Variants in HOMER2 observed in about 807,000 individuals in gnomAD.
The protein encoded by HOMER2 is homer protein homolog 2.
HOMER2 carries 27 observed loss-of-function variants against 47.0 expected under a neutral mutation model. The observed-to-expected ratio is 0.57, with a 90% CI of 0.42 to 0.79. HOMER2 has a LOEUF of 0.79. Among genes scored for constraint, HOMER2 ranks in the 30% least tolerant of loss-of-function variants. The pLI, the probability that HOMER2 is intolerant of heterozygous loss-of-function variation, is 0.00. For synonymous variants in HOMER2, 161 were observed against 163.8 expected (o/e 0.98, Z 0.13); for missense variants, 443 against 435.0 (o/e 1.02, Z -0.16).
intron 1 of HOMER2, among the ~76,000 whole-genome samples, chr15:82,950,695 G>A (rs1567072728): frequency 1.3e-5 from 2 of 152,142 alleles, no homozygotes; most frequent in Non-Finnish European, 2.9e-5. Context: ...TACGAGAAGT[G>A]AGTAATATAT....
At chr15:82,851,033 T>A in intron 8 of HOMER2, 118 bp downstream of exon 8, 1 of 742,204 alleles carries the variant, frequency 1.3e-6, no homozygotes, top group African/African-American at 1.8e-5. Flanking sequence ...TTTTTGTGAA[T>A]AGAAAATCTC....
rs1455090701 is a variant in HOMER2 at position 82,913,411 on chromosome 15, T to G, written c.6-20570A>C. 6.6e-6 allele frequency among the ~76,000 whole-genome samples: 1 copy of G among 152,094 alleles called. No individual in the cohort carries two copies. Among genetic ancestry groups the G allele is most frequent in the Admixed American group, 6.5e-5 (1 of 15,278 alleles). Reference sequence around the variant, plus strand: ...GGTAGCTCCAGATCCTTCTAGAACTTCTCTTCTGCATCTGGAAACCCCATG... The same window carrying G: ...GGTAGCTCCAGATCCTTCTAGAACTGCTCTTCTGCATCTGGAAACCCCATG... On this transcript the variant is annotated intron_variant, in intron 1 of 8. Coordinates refer to ENST00000450735, the MANE Select transcript of HOMER2 (RefSeq NM_004839.4). The surrounding 1 kb of genome is among the most constrained non-coding windows in gnomAD (Gnocchi z 4.1).
At chr15:82,903,185 T>C (rs989069914) in intron 1 of HOMER2, among the ~76,000 whole-genome samples, 5 of 152,098 alleles carry the variant, frequency 3.3e-5, no homozygotes, top group African/African-American at 4.8e-5. Context: ...TCCAGGCACC[T>C]GGAGATGAGG....
At chr15:82,921,443 C>G (rs910593761) in intron 1 of HOMER2, among the ~76,000 whole-genome samples, 4 of 152,192 alleles carry the variant, frequency 2.6e-5, no homozygotes, top group Middle Eastern at 3.2e-3. Context: ...TTTCCCCACG[C>G]TGATCTGAGC....
At chr15:82,908,090 G>A (rs1352056634) in intron 1 of HOMER2, among the ~76,000 whole-genome samples, 2 of 152,084 alleles carry the variant, frequency 1.3e-5, no homozygotes, top group Non-Finnish European at 2.9e-5. Flanking sequence ...GGCTGTCCAA[G>A]CACAGGAAGC....
intron 1 of HOMER2, chr15:82,959,376 T>C (rs2054611897): frequency 6.6e-6 from 1 of 152,260 alleles, no homozygotes; most frequent in Admixed American, 6.5e-5. Flanking sequence ...ACTGTCAGCA[T>C]ATAGTTATAC....
At chr15:82,951,876 G>A (rs563096192) in intron 1 of HOMER2, 37 of 173,086 alleles carry the variant, frequency 2.1e-4, no homozygotes, top group Non-Finnish European at 3.6e-4. Context: ...GACTCACAGA[G>A]CCTACTGCTC....
chr15:82,906,291 G>A (rs914299793), intron 1 of HOMER2, among the ~76,000 whole-genome samples: 2 of 152,082 alleles, frequency 1.3e-5, no homozygotes, highest in Admixed American at 1.3e-4. Context: ...AAGAACACGG[G>A]CAACAAATAG....
chr15:82,963,672 G>T (rs972529840), intron 1 of HOMER2, among the ~76,000 whole-genome samples: 7 of 152,200 alleles, frequency 4.6e-5, no homozygotes, highest in African/African-American at 1.7e-4. Flanking sequence ...GCAAATTTGG[G>T]AAAGAATGAA....
chr15:82,965,666 T>C (rs2054667525), intron 1 of HOMER2, among the ~76,000 whole-genome samples: 1 of 152,054 alleles, frequency 6.6e-6, no homozygotes, highest in African/African-American at 2.4e-5. Flanking sequence ...GCAATATTGG[T>C]ACCTCCTCTC....
At chr15:82,934,313 C>T (rs1446252720) in intron 1 of HOMER2, among the ~76,000 whole-genome samples, 1 of 152,116 alleles carries the variant, frequency 6.6e-6, no homozygotes, top group Non-Finnish European at 1.5e-5. Flanking sequence ...CTCTTCCGCC[C>T]ACCACCTGTC....
chr15:82,871,354 A>G (rs1007630014), intron 3 of HOMER2, among the ~76,000 whole-genome samples: 2 of 152,168 alleles, frequency 1.3e-5, no homozygotes, highest in Non-Finnish European at 2.9e-5. Flanking sequence ...TAGCCTAGTT[A>G]TAGTGCTTGA....
At position 82,943,720 on chromosome 15, in the gene HOMER2, C is replaced by T. The variant is rs1190872251; in HGVS notation, c.5+8811G>A. On this transcript the variant is annotated intron_variant, in intron 1 of 8. Transcript: ENST00000450735. ...CCCATAACCCACAGACAAGATTACC[C>T]GCAGAACAAAAGGAGGACTAAAGGC... Among the ~76,000 whole-genome samples, 5 of 152,212 alleles carry T rather than the reference C, an allele frequency of 3.3e-5. No homozygotes were observed. In the East Asian group the frequency reaches 5.8e-4, roughly 18 times the overall value.
chr15:82,839,263 A>G (rs1052845820), exon 2 of HOMER2: 1 of 152,242 alleles, frequency 6.6e-6, no homozygotes, highest in African/African-American at 2.4e-5. Context: ...CTGAGGCAGA[A>G]TATGACCAGA....
intron 3 of HOMER2, among the ~76,000 whole-genome samples, chr15:82,867,422 T>C (rs11259957): frequency 0.2 from 29,196 of 149,500 alleles, 3,173 homozygotes; most frequent in Non-Finnish European, 0.23. Flanking sequence ...AAAATATCTA[T>C]AGCTAAGCTA....
rs1005984257 is a variant in HOMER2, at chr15:82,940,732, T to TA, written c.5+11798dup. Among the ~76,000 whole-genome samples, 205 of 147,088 alleles carry TA rather than the reference T, an allele frequency of 1.4e-3. 1 individual carries two copies. The highest frequency in any genetic ancestry group is 4.4e-3 in the African/African-American group (178 of 40,220). ...TGGGTGACAGAAGGAGACTCTGTCT[T>TA]AAAAAAAAAAATTAGCTGTGTATGG... On this transcript the variant is annotated intron_variant, in intron 1 of 8. Coordinates refer to ENST00000450735, the MANE Select transcript of HOMER2 (RefSeq NM_004839.4).
intron 1 of HOMER2, among the ~76,000 whole-genome samples, chr15:82,929,753 G>A (rs1390374122): frequency 6.6e-6 from 1 of 150,486 alleles, no homozygotes; most frequent in African/African-American, 2.4e-5. Context: ...TTTTTGAGAC[G>A]GAGTTTCGCT....
intron 1 of HOMER2, among the ~76,000 whole-genome samples, chr15:82,897,208 G>A (rs1176935213): frequency 6.6e-6 from 1 of 151,630 alleles, no homozygotes; most frequent in Non-Finnish European, 1.5e-5. Context: ...TGGGATTACA[G>A]GCGCCTGCCA....
chr15:82,983,968 G>A (rs556325697), intron 1 of HOMER2, among the ~76,000 whole-genome samples: 8 of 151,560 alleles, frequency 5.3e-5, no homozygotes, highest in East Asian at 1.9e-4. Flanking sequence ...ACTATTTAGC[G>A]CACTATAGCG....
Sources: allele counts gnomAD v4.1 joint callset (sites outside exome capture counted in the v4.1 genomes callset), GRCh38; gene constraint gnomAD v4.1.1; non-coding constraint Gnocchi (gnomAD v3.1); transcripts MANE v1.5; gene names NCBI Gene and HGNC (gene_info 2026-07-23, HGNC 2026-07-21).